ANKS1B: variants seen among roughly 807,000 people sequenced by gnomAD.
The protein encoded by ANKS1B is ankyrin repeat and sterile alpha motif domain-containing protein 1B.
Under a neutral mutation model 148.3 loss-of-function variants are expected in ANKS1B, and 36 were observed. The observed-to-expected ratio is 0.24, with a 90% CI of 0.19 to 0.32. The LOEUF (loss-of-function observed/expected upper bound fraction) is 0.32, where lower values mean the gene tolerates loss of function less well. ANKS1B is among the 10% of genes least tolerant of loss of function. ANKS1B has a pLI of 1.00. For missense variants in ANKS1B, 1,157 were observed against 1,542.6 expected, an observed-to-expected ratio of 0.75 and a Z score of 4.19; for synonymous variants, 542 against 560.8, an observed-to-expected ratio of 0.97 and a Z score of 0.47.
intron 4 of ANKS1B, among the ~76,000 whole-genome samples, chr12:99,789,696 C>G (rs759913598): frequency 6.6e-6 from 1 of 151,680 alleles, no homozygotes; most frequent in African/African-American, 2.4e-5. Context: ...CTCTTAAGAG[C>G]AGAATTAGTC....
intron 17 of ANKS1B, among the ~76,000 whole-genome samples, chr12:98,941,147 T>C (rs1201115027): frequency 1.3e-5 from 2 of 152,208 alleles, no homozygotes; most frequent in East Asian, 1.9e-4. Context: ...TTTATATGTG[T>C]TTCTGTTTAA....
chr12:98,979,109 T>C (rs183964405), intron 17 of ANKS1B, among the ~76,000 whole-genome samples: 28 of 150,790 alleles, frequency 1.9e-4, no homozygotes, highest in South Asian at 8.5e-4. Context: ...GCCACTGCAC[T>C]CTAGCCTGGG....
intron 8 of ANKS1B, among the ~76,000 whole-genome samples, chr12:99,707,026 C>A (rs1332589353): frequency 1.3e-5 from 2 of 152,116 alleles, no homozygotes; most frequent in Non-Finnish European, 2.9e-5. Flanking sequence ...GAATACCTGA[C>A]ACACGAAACT....
intron 15 of ANKS1B, among the ~76,000 whole-genome samples, chr12:99,107,604 C>G (rs926477846): frequency 3.3e-5 from 5 of 152,150 alleles, no homozygotes; most frequent in Non-Finnish European, 7.3e-5. Flanking sequence ...TCAGAGGATT[C>G]AGTGGAAACT....
intron 12 of ANKS1B, among the ~76,000 whole-genome samples, chr12:99,343,572 C>G (rs945524322): frequency 6.6e-6 from 1 of 151,964 alleles, no homozygotes; most frequent in Non-Finnish European, 1.5e-5. Flanking sequence ...CATCTACAAC[C>G]TTTTCCTCTC....
intron 9 of ANKS1B, among the ~76,000 whole-genome samples, chr12:98,737,127 A>C (rs961068195): frequency 9.9e-5 from 15 of 152,018 alleles, no homozygotes; most frequent in African/African-American, 2.9e-4. Context: ...ATGCCATTTG[A>C]GCTCCCTCCT....
chr12:99,159,484 T>C (rs2076416549), intron 14 of ANKS1B, among the ~76,000 whole-genome samples: 1 of 152,166 alleles, frequency 6.6e-6, no homozygotes, highest in South Asian at 2.1e-4. Flanking sequence ...CAGTACTTGG[T>C]TTTCTGTTCC....
chr12:98,982,254 A>G (rs1269883350), intron 17 of ANKS1B, among the ~76,000 whole-genome samples: 1 of 152,146 alleles, frequency 6.6e-6, no homozygotes, highest in Non-Finnish European at 1.5e-5. Flanking sequence ...TCTTGTTAAG[A>G]TGCAGATTCT....
At chr12:99,359,036 G>A (rs1038753242) in intron 12 of ANKS1B, among the ~76,000 whole-genome samples, 1 of 152,100 alleles carries the variant, frequency 6.6e-6, no homozygotes, top group Non-Finnish European at 1.5e-5. Flanking sequence ...TGGCCAGGCA[G>A]AAACATCAAG....
chr12:99,828,183 C>T (rs894001572), intron 1 of ANKS1B, among the ~76,000 whole-genome samples: 13 of 152,144 alleles, frequency 8.5e-5, no homozygotes, highest in Non-Finnish European at 1.6e-4. Context: ...TCAGGAAGAA[C>T]AGCAGAATGG....
At chr12:99,858,887 G>A (rs189644405) in intron 1 of ANKS1B, among the ~76,000 whole-genome samples, 10 of 152,170 alleles carry the variant, frequency 6.6e-5, no homozygotes, top group African/African-American at 1.7e-4. Context: ...AAGAGGGGGC[G>A]GGTGAGGGAT....
intron 9 of ANKS1B, among the ~76,000 whole-genome samples, chr12:99,646,652 CAAAAAAA>C (rs35481645): frequency 8.4e-5 from 3 of 35,880 alleles, no homozygotes; most frequent in Non-Finnish European, 1.5e-4. Flanking sequence ...GACTCCATCT[CAAAAAAA>C]AAAAAAAAAA....
rs113377047 is a variant in ANKS1B at position 99,717,704 on chromosome 12, G to T, written c.1128+55218C>A. ...CCTTGGAAGCCCCCTAGACCATCAC[G>T]GACGCCGAGCTTTAAGTAACTCTCA... On this transcript the variant is annotated intron_variant, in intron 8 of 26. Coordinates refer to ENST00000683438, the MANE Select transcript of ANKS1B (RefSeq NM_001352186.2). Among the ~76,000 whole-genome samples the T allele has an allele frequency of 1.2e-3, 178 of 151,888 alleles. 1 individual carries two copies. Among genetic ancestry groups the T allele is most frequent in the African/African-American group, 3.9e-3 (163 of 41,402 alleles).
intron 9 of ANKS1B, among the ~76,000 whole-genome samples, chr12:99,651,382 T>A (rs1409023210): frequency 6.6e-6 from 1 of 152,138 alleles, no homozygotes; most frequent in African/African-American, 2.4e-5. Context: ...AATTTTTGTT[T>A]TTCATGTGGT....
chr12:99,238,877 G>A (rs771915461), intron 14 of ANKS1B, among the ~76,000 whole-genome samples: 1 of 152,074 alleles, frequency 6.6e-6, no homozygotes, highest in Non-Finnish European at 1.5e-5. Context: ...CTACAGCAAC[G>A]AAAAGGACAT....
rs144260846 is a variant in ANKS1B at position 99,742,171 on chromosome 12, G to A, written c.1128+30751C>T. On this transcript the variant is annotated intron_variant, in intron 8 of 26. Coordinates refer to ENST00000683438, the MANE Select transcript of ANKS1B (RefSeq NM_001352186.2). ...TAATGGGTACTAAGCTTAATACCTC[G>A]GTGATAAAATAATATGTACAAACCC... is the stretch of plus-strand genomic sequence containing the variant. 5.0e-3 allele frequency among the ~76,000 whole-genome samples: 755 copies of A among 151,358 alleles called. 6 individuals are homozygous for A. Among genetic ancestry groups the A allele is most frequent in the African/African-American group, 0.016 (668 of 41,316 alleles).
intron 7 of ANKS1B, among the ~76,000 whole-genome samples, chr12:99,774,752 T>C (rs912148424): frequency 4.6e-5 from 7 of 152,086 alleles, no homozygotes; most frequent in Non-Finnish European, 2.9e-5. Flanking sequence ...GTCAGATGGA[T>C]GGATAAATAA....
At chr12:98,782,037 C>T in intron 23 of ANKS1B, 89 bp downstream of exon 23, 1 of 1,117,040 alleles carries the variant, frequency 9.0e-7, no homozygotes, top group Non-Finnish European at 1.3e-6. Flanking sequence ...TTAGCTTTAT[C>T]ATTCATCACC....
At chr12:99,494,732 C>CAAAA (rs59115173) in intron 10 of ANKS1B, among the ~76,000 whole-genome samples, 8,252 of 55,886 alleles carry the variant, frequency 0.15, 830 homozygotes, top group African/African-American at 0.2. Context: ...CACTCTGTCT[C>CAAAA]AAAAAAAAAA....
Sources: allele counts gnomAD v4.1 joint callset (sites outside exome capture counted in the v4.1 genomes callset), GRCh38; gene constraint gnomAD v4.1.1; transcripts MANE v1.5; gene names NCBI Gene and HGNC (gene_info 2026-07-23, HGNC 2026-07-21).